PLEKHA1: variants seen among roughly 807,000 people sequenced by gnomAD.
PLEKHA1 encodes the protein pleckstrin homology domain-containing family A member 1.
Under a neutral mutation model 52.0 loss-of-function variants are expected in PLEKHA1, and 34 were observed. The observed-to-expected ratio is 0.65, with a 90% CI of 0.50 to 0.87. The LOEUF (loss-of-function observed/expected upper bound fraction) is 0.87, where lower values mean the gene tolerates loss of function less well. Among genes scored for constraint, PLEKHA1 ranks in the 40% least tolerant of loss-of-function variants. The pLI is 0.00. For missense variants in PLEKHA1, 497 were observed against 504.2 expected (o/e 0.99, Z 0.14); for synonymous variants, 163 against 170.7 (o/e 0.95, Z 0.35).
the PLEKHA1 span, chr10:122,439,073 TTTG>T: frequency 1.3e-5 from 2 of 152,160 alleles, no homozygotes. Context: ...CTATTCATAT[TTTG>T]TTGAGTTTTT....
intron 5 of PLEKHA1, among the ~76,000 whole-genome samples, chr10:122,408,578 A>G (rs1253666421): frequency 6.6e-6 from 1 of 152,184 alleles, no homozygotes; most frequent in Non-Finnish European, 1.5e-5. Context: ...TAAAGTGGTT[A>G]TAACTGCATT....
At chr10:122,417,084 A>G (rs189784415) in intron 7 of PLEKHA1, 239 of 152,968 alleles carry the variant, frequency 1.6e-3, no homozygotes, top group African/African-American at 5.6e-3. Context: ...TAAGTCCAAA[A>G]TACCAGTCAG....
chr10:122,413,004 A>G lies in PLEKHA1; in HGVS notation c.427A>G (p.Thr143Ala). The part of the protein sequence containing the change: ...ECGKKQVSYR[T>A]DIVGGVPIIT... ...TGGGAAAAAGCAAGTGTCTTACAGA[A>G]CTGATATTGTTGGTGGCGTACCCAT... is the stretch of plus-strand genomic sequence containing the variant. Residue 143 changes from threonine to alanine, a missense_variant, in exon 6 of 12, where the codon ACT becomes GCT. By Grantham distance (58) the Thr-to-Ala change is moderately conservative. Coordinates refer to ENST00000368990, the MANE Select transcript of PLEKHA1 (RefSeq NM_001001974.4). The G allele has an allele frequency of 6.2e-7, 1 of 1,613,578 alleles. No individual in the cohort carries two copies. Among genetic ancestry groups the G allele is most frequent in the Non-Finnish European group, 8.5e-7 (1 of 1,179,636 alleles).
chr10:122,385,330 T>G (rs1156891300), intron 1 of PLEKHA1, among the ~76,000 whole-genome samples: 1 of 146,232 alleles, frequency 6.8e-6, no homozygotes, highest in South Asian at 2.3e-4. Flanking sequence ...TTTTTTTTTT[T>G]TTTTGAGGCG....
At chr10:122,404,618 A>T (rs2421022) in intron 4 of PLEKHA1, among the ~76,000 whole-genome samples, 1 of 152,042 alleles carries the variant, frequency 6.6e-6, no homozygotes, top group South Asian at 2.1e-4. Context: ...TTATTTATTG[A>T]TAGATATAGC....
chr10:122,387,493 A>G (rs1214624863), intron 1 of PLEKHA1: 2 of 152,178 alleles, frequency 1.3e-5, no homozygotes, highest in African/African-American at 4.8e-5. Context: ...TCTGACATAT[A>G]TTTGTTTATA....
rs992886203 is a variant in PLEKHA1, at chr10:122,406,761, T to C, written c.342+88T>C. ...ATACACCTACCAAATGTTCCCAGCT[T>C]ACCAACAGGTTTCATACTCAAGCTT... is the stretch of plus-strand genomic sequence containing the variant. On this transcript the variant is annotated intron_variant, in intron 5 of 11. Transcript: ENST00000368990. The C allele has an allele frequency of 3.3e-5, 32 of 970,442 alleles. No homozygotes were observed. In the African/African-American group the frequency reaches 5.3e-4, roughly 16 times the overall value. The allele number at this position is 970,442 out of a possible 1,614,324, so 60.1% of individuals were successfully genotyped here. A position where few individuals can be genotyped will look rare whatever the true frequency, so the allele number is the denominator to read the frequency against.
chr10:122,376,948 G>T (rs1339108483), intron 1 of PLEKHA1, among the ~76,000 whole-genome samples: 1 of 152,112 alleles, frequency 6.6e-6, no homozygotes, highest in Non-Finnish European at 1.5e-5. Context: ...ATTTTTATGG[G>T]GACTTCCCCC....
At chr10:122,391,558 A>C (rs1217056991) in intron 1 of PLEKHA1, among the ~76,000 whole-genome samples, 1 of 152,096 alleles carries the variant, frequency 6.6e-6, no homozygotes, top group Non-Finnish European at 1.5e-5. Flanking sequence ...CCCTTGTTGA[A>C]ATCAGTTGAC....
intron 1 of PLEKHA1, among the ~76,000 whole-genome samples, chr10:122,383,566 C>T (rs1332708269): frequency 1.3e-5 from 2 of 151,572 alleles, no homozygotes; most frequent in Non-Finnish European, 2.9e-5. Flanking sequence ...ATCCTCCTGC[C>T]TCAGCCTCCC....
intron 1 of PLEKHA1, among the ~76,000 whole-genome samples, chr10:122,377,601 A>G (rs2096555470): frequency 6.6e-6 from 1 of 152,220 alleles, no homozygotes; most frequent in Admixed American, 6.5e-5. Context: ...ATAATGCTTA[A>G]TTATTTTTAG....
At position 122,424,193 on chromosome 10, in the gene PLEKHA1, T is replaced by C. The variant is rs1243559310; in HGVS notation, c.682-6T>C. ...ACTGTTTTTTTTTTTTTTTTTTTTT[T>C]GCCAGGAAAAGGAACCTCTTCGTGT... On this transcript the variant is annotated splice_polypyrimidine_tract_variant and splice_region_variant and intron_variant, in intron 8 of 11. Coordinates refer to ENST00000368990, the MANE Select transcript of PLEKHA1 (RefSeq NM_001001974.4). The C allele has an allele frequency of 2.0e-6, 3 of 1,536,386 alleles. No homozygotes were observed. Among genetic ancestry groups the C allele is most frequent in the African/African-American group, 2.9e-5 (2 of 68,468 alleles).
chr10:122,424,171 GTTTTTTTTT>G lies in PLEKHA1; in HGVS notation c.682-14_682-6del, dbSNP rs34058512. On this transcript the variant is annotated intron_variant, in intron 8 of 11. Coordinates refer to ENST00000368990, the MANE Select transcript of PLEKHA1 (RefSeq NM_001001974.4). ...TTTTAAGAATAAACATCATGTAACT[GTTTTTTTTT>G]TTTTTTTTTTTTTGCCAGGAAAAGG... The G allele has an allele frequency of 2.2e-4, 211 of 955,636 alleles. No individual in the cohort carries two copies. The African/African-American group carries it at 3.8e-3, about 17-fold the overall frequency. The allele number at this position is 955,636 out of a possible 1,614,324, so 59.2% of individuals were successfully genotyped here.
intron 1 of PLEKHA1, among the ~76,000 whole-genome samples, chr10:122,384,732 C>A (rs1448581070): frequency 1.3e-5 from 2 of 152,054 alleles, no homozygotes; most frequent in Non-Finnish European, 2.9e-5. Context: ...GCAGGTGGAT[C>A]ATTTGTGGTC....
chr10:122,429,441 T>C (rs1381133319), intron 11 of PLEKHA1, among the ~76,000 whole-genome samples, 183 bp from the exon 12 acceptor site: 1 of 151,848 alleles, frequency 6.6e-6, no homozygotes, highest in Non-Finnish European at 1.5e-5. Context: ...TAAAAACGCG[T>C]TGCTTTGGGA....
At position 122,428,384 on chromosome 10, in the gene PLEKHA1, A is replaced by G. The variant is rs575924067; in HGVS notation, c.901-1240A>G. ...TCACGCAAACGTGCCTTCTTAGTGG[A>G]GGGCCCAGACTTACTACTTACAACT... On this transcript the variant is annotated intron_variant, in intron 11 of 11. Transcript: ENST00000368990. 4 of 1,539,810 alleles carry G rather than the reference A, an allele frequency of 2.6e-6. No homozygotes were observed. The East Asian group carries it at 7.4e-5, about 28-fold the overall frequency.
chr10:122,413,233 T>C (rs2097130903), intron 6 of PLEKHA1, among the ~76,000 whole-genome samples, 188 bp downstream of exon 6: 1 of 152,180 alleles, frequency 6.6e-6, no homozygotes, highest in Non-Finnish European at 1.5e-5. Context: ...AAACTTCTCA[T>C]GATTTCTCTG....
intron 1 of PLEKHA1, chr10:122,375,086 T>G (rs1328189286): frequency 6.6e-6 from 1 of 151,576 alleles, no homozygotes; most frequent in Admixed American, 6.6e-5. Context: ...CTTCTTCCCG[T>G]GGGTCCCCGA....
chr10:122,424,138 T>C, intron 8 of PLEKHA1, 61 bp from the exon 9 acceptor site: 1 of 1,506,602 alleles, frequency 6.6e-7, no homozygotes, highest in East Asian at 2.4e-5. Context: ...AGCTAACCTT[T>C]GAAAGGATTT....
Sources: allele counts gnomAD v4.1 joint callset (sites outside exome capture counted in the v4.1 genomes callset), GRCh38; gene constraint gnomAD v4.1.1; transcripts MANE v1.5; gene names NCBI Gene and HGNC (gene_info 2026-07-23, HGNC 2026-07-21).